Variants in CAPN3 observed in about 807,000 individuals in gnomAD.
CAPN3 encodes calpain-3.
CAPN3 carries 88 observed loss-of-function variants against 114.0 expected under a neutral mutation model. The observed-to-expected ratio is 0.77, with a 90% confidence interval of 0.65 to 0.92. The LOEUF (loss-of-function observed/expected upper bound fraction) is 0.92, where lower values mean the gene tolerates loss of function less well. Among genes scored for constraint, CAPN3 ranks in the 40% least tolerant of loss-of-function variants. CAPN3 has a pLI of 0.00. For missense variants in CAPN3, 1,028 were observed against 1,069.0 expected (o/e 0.96, Z 0.53); for synonymous variants, 386 against 382.9 (o/e 1.01, Z -0.09).
chr15:42,407,687 G>A (rs2054062968), intron 15 of CAPN3, among the ~76,000 whole-genome samples: 1 of 152,122 alleles, frequency 6.6e-6, no homozygotes, highest in Non-Finnish European at 1.5e-5. Context: ...TGTTCTGATG[G>A]CTCACCCACT....
intron 7 of CAPN3, among the ~76,000 whole-genome samples, chr15:42,393,671 G>T (rs2053616893): frequency 6.7e-6 from 1 of 150,310 alleles, no homozygotes; most frequent in African/African-American, 2.5e-5. Flanking sequence ...TCGGCTCACT[G>T]CAATGTCCGC....
intron 1 of CAPN3, among the ~76,000 whole-genome samples, chr15:42,373,050 A>G (rs1310698634): frequency 6.7e-6 from 1 of 150,284 alleles, no homozygotes; most frequent in Non-Finnish European, 1.5e-5. Flanking sequence ...TTAGCCAGGC[A>G]TGGTGGTGTC....
At chr15:42,387,688 G>C in intron 3 of CAPN3, 65 bp from the exon 4 acceptor site, 2 of 1,596,228 alleles carry the variant, frequency 1.3e-6, no homozygotes, top group Non-Finnish European at 1.7e-6. Flanking sequence ...GAGGAATGTG[G>C]AGGAAGGACA....
intron 1 of CAPN3, among the ~76,000 whole-genome samples, chr15:42,380,469 C>T (rs1230252221): frequency 5.6e-5 from 8 of 142,432 alleles, no homozygotes; most frequent in Admixed American, 1.4e-4. Flanking sequence ...CAACCTCTGC[C>T]TCTTGAGCTC....
At chr15:42,377,946 G>A (rs2053133628) in intron 1 of CAPN3, among the ~76,000 whole-genome samples, 1 of 152,182 alleles carries the variant, frequency 6.6e-6, no homozygotes, top group African/African-American at 2.4e-5. Context: ...AAATTTGTGA[G>A]CATGGAGCTG....
intron 8 of CAPN3, among the ~76,000 whole-genome samples, 177 bp from the exon 9 acceptor site, chr15:42,396,623 C>T (rs1228644759): frequency 1.3e-5 from 2 of 152,098 alleles, no homozygotes; most frequent in Non-Finnish European, 2.9e-5. Context: ...TAGGCTCAGT[C>T]TTGAGGATGT....
intron 8 of CAPN3, among the ~76,000 whole-genome samples, chr15:42,394,991 G>T (rs1451282452): frequency 6.6e-6 from 1 of 152,136 alleles, no homozygotes; most frequent in Non-Finnish European, 1.5e-5. Flanking sequence ...AGCCATAAGC[G>T]CCTCTTATTT....
At chr15:42,401,270 A>G (rs1474316872) in intron 10 of CAPN3, among the ~76,000 whole-genome samples, 1 of 151,920 alleles carries the variant, frequency 6.6e-6, no homozygotes, top group Non-Finnish European at 1.5e-5. Flanking sequence ...GCAGTTAAAA[A>G]GCAGAAGTAA....
chr15:42,402,115 C>T lies in CAPN3; in HGVS notation c.1525-9C>T, dbSNP rs1240331852. 4 of 1,614,112 alleles carry T rather than the reference C, an allele frequency of 2.5e-6. No homozygotes were observed. The highest frequency in any genetic ancestry group is 3.4e-6 in the Non-Finnish European group (4 of 1,180,028). The stretch of plus-strand genomic sequence containing the variant: ...ATCTGAAGCATCTTCCTTTCTGTTT[C>T]TTCTCAAGGTTCCCAAAGAGGTATA... On this transcript the variant is annotated splice_polypyrimidine_tract_variant and intron_variant, in intron 11 of 23. Transcript: ENST00000397163.
chr15:42,402,576 T>G, intron 12 of CAPN3: 1 of 1,486,432 alleles, frequency 6.7e-7, no homozygotes, highest in Non-Finnish European at 8.9e-7. Flanking sequence ...TCCCTGAGTG[T>G]GGGGATGACA....
chr15:42,368,816 C>G (rs1037697873), intron 1 of CAPN3, among the ~76,000 whole-genome samples: 3 of 152,156 alleles, frequency 2.0e-5, no homozygotes, highest in Admixed American at 1.3e-4. Flanking sequence ...TTTTGGGAGG[C>G]CAAGGCGGGT....
chr15:42,386,545 C>G (rs1193582030), intron 3 of CAPN3, among the ~76,000 whole-genome samples: 3 of 152,172 alleles, frequency 2.0e-5, no homozygotes, highest in African/African-American at 4.8e-5. Context: ...CTATTTTTGT[C>G]TTTGCAGCTG....
Position 42,359,723 on chromosome 15 carries a change from T to C in CAPN3, c.-83T>C. On this transcript the variant is annotated 5_prime_UTR_variant, in exon 1 of 24. Coordinates refer to ENST00000397163, the MANE Select transcript of CAPN3 (RefSeq NM_000070.3). ...CTCAGATGACAGAATTACTCCAACT[T>C]CCCCTTTGCAGTTGCTTCCTTTCCT... The C allele has an allele frequency of 6.2e-7, 1 of 1,601,982 alleles. No individual in the cohort carries two copies. The highest frequency in any genetic ancestry group is 8.5e-7 in the Non-Finnish European group (1 of 1,176,376).
chr15:42,405,848 G>C, intron 14 of CAPN3, 78 bp from the exon 15 acceptor site: 1 of 1,178,386 alleles, frequency 8.5e-7, no homozygotes, highest in Non-Finnish European at 1.3e-6. Context: ...CAGGATACAG[G>C]GAAGCCAAAA....
At chr15:42,408,520 G>T in intron 16 of CAPN3, 196 bp downstream of exon 16, 1 of 584,298 alleles carries the variant, frequency 1.7e-6, no homozygotes, top group East Asian at 3.6e-5. Flanking sequence ...TCCCAGGATG[G>T]GGGTTCCATT....
intron 1 of CAPN3, among the ~76,000 whole-genome samples, chr15:42,383,290 G>A (rs1175870015): frequency 6.6e-6 from 1 of 152,086 alleles, no homozygotes; most frequent in East Asian, 1.9e-4. Flanking sequence ...GAAGAATGGG[G>A]CTAAAACCAG....
In CAPN3 at chr15:42,359,514, C is replaced by T. The variant is rs2052583638; in HGVS notation, c.-292C>T. On this transcript the variant is annotated 5_prime_UTR_variant, in exon 1 of 24. Transcript: ENST00000397163. ...AACACAACCCTCACTCTCTTTCTCT[C>T]TCCCTCTGGCATGCATGCTGCTGGT... 9 of 1,273,874 alleles carry T rather than the reference C, an allele frequency of 7.1e-6. No individual in the cohort carries two copies. Among genetic ancestry groups the T allele is most frequent in the Non-Finnish European group, 9.0e-6 (9 of 1,003,896 alleles). The allele number at this position is 1,273,874 out of a possible 1,614,324, so 78.9% of individuals were successfully genotyped here. A position where few individuals can be genotyped will look rare whatever the true frequency, so the allele number is the denominator to read the frequency against.
rs910899166 is a variant in CAPN3 at position 42,359,518 on chromosome 15, C to G, written c.-288C>G. On this transcript the variant is annotated 5_prime_UTR_variant, in exon 1 of 24. Coordinates refer to ENST00000397163, the MANE Select transcript of CAPN3 (RefSeq NM_000070.3). ...CAACCCTCACTCTCTTTCTCTCTCC[C>G]TCTGGCATGCATGCTGCTGGTAGGA... The G allele has an allele frequency of 2.3e-6, 3 of 1,283,572 alleles. No individual in the cohort carries two copies. Among genetic ancestry groups the G allele is most frequent in the Admixed American group, 3.6e-5 (1 of 27,772 alleles). The allele number at this position is 1,283,572 out of a possible 1,614,324, so 79.5% of individuals were successfully genotyped here.
At chr15:42,386,845 ATAGAGCTGGTGC>A (rs2053419955) in intron 3 of CAPN3, among the ~76,000 whole-genome samples, 1 of 152,150 alleles carries the variant, frequency 6.6e-6, no homozygotes. Context: ...TCACCTTGGC[ATAGAGCTGGTGC>A]TAGAGCAGAA....
Sources: gnomAD v4.1 joint callset for allele counts (sites outside exome capture counted in the v4.1 genomes callset) on GRCh38, gnomAD v4.1.1 for gene constraint, MANE v1.5 for transcripts, NCBI Gene and HGNC (gene_info 2026-07-23, HGNC 2026-07-21) for gene names.